Variants in IQCJ observed in about 807,000 individuals in gnomAD.
IQCJ encodes the protein IQ motif containing J.
In IQCJ, 9 loss-of-function variants were observed where a neutral mutation model predicts 11.0. That is an observed-to-expected ratio of 0.82 (90% CI 0.49 to 1.43). The LOEUF is 1.43. Among genes scored for constraint, IQCJ ranks in the 40% most tolerant of loss-of-function variants. The pLI is 0.00. For synonymous variants in IQCJ, 55 were observed against 51.3 expected (o/e 1.07, Z -0.31); for missense variants, 146 against 133.2 (o/e 1.10, Z -0.47).
chr3:159,251,770 G>T (rs1727615876), intron 2 of IQCJ, among the ~76,000 whole-genome samples: 1 of 152,050 alleles, frequency 6.6e-6, no homozygotes, highest in South Asian at 2.1e-4. Flanking sequence ...GGTGGAGAGA[G>T]CAGTGAGATG....
At chr3:159,203,722 C>T (rs1724486990) in intron 1 of IQCJ, among the ~76,000 whole-genome samples, 1 of 151,992 alleles carries the variant, frequency 6.6e-6, no homozygotes, top group Admixed American at 6.6e-5. Flanking sequence ...CTAAGCCCTG[C>T]TTATGAGAGA....
chr3:159,071,926 T>C (rs1715590277), intron 1 of IQCJ, among the ~76,000 whole-genome samples: 1 of 152,170 alleles, frequency 6.6e-6, no homozygotes, highest in Non-Finnish European at 1.5e-5. Context: ...CATTTTATTT[T>C]TAAGGCTCAC....
At chr3:159,198,502 C>T (rs1432870300) in intron 1 of IQCJ, among the ~76,000 whole-genome samples, 2 of 151,956 alleles carry the variant, frequency 1.3e-5, no homozygotes, top group African/African-American at 4.8e-5. Flanking sequence ...CATTGAGATA[C>T]CAGTAGTTAG....
At chr3:159,089,562 A>C (rs1355948869) in intron 1 of IQCJ, among the ~76,000 whole-genome samples, 2 of 151,876 alleles carry the variant, frequency 1.3e-5, no homozygotes, top group Non-Finnish European at 2.9e-5. Context: ...TACACCAATC[A>C]GATGAAGATT....
chr3:159,112,972 G>A (rs1460168104), intron 1 of IQCJ, among the ~76,000 whole-genome samples: 1 of 152,202 alleles, frequency 6.6e-6, no homozygotes, highest in African/African-American at 2.4e-5. Flanking sequence ...CAAAGAAACA[G>A]TACATTTAAG....
chr3:159,215,286 T>A (rs556407821), intron 1 of IQCJ, among the ~76,000 whole-genome samples: 10 of 152,290 alleles, frequency 6.6e-5, no homozygotes, highest in Admixed American at 5.9e-4. Context: ...CCTCTTTTCC[T>A]CTTCAGAGAC....
intron 1 of IQCJ, among the ~76,000 whole-genome samples, chr3:159,209,030 G>A (rs78096403): frequency 0.031 from 4,737 of 152,214 alleles, 254 homozygotes; most frequent in African/African-American, 0.11. Flanking sequence ...TCACTCACAA[G>A]CCTGAACCCA....
chr3:159,071,573 A>G (rs1715563269), intron 1 of IQCJ, among the ~76,000 whole-genome samples: 1 of 152,094 alleles, frequency 6.6e-6, no homozygotes, highest in Admixed American at 6.6e-5. Flanking sequence ...ATTACAAAAT[A>G]CCCTCACTTT....
Position 159,121,718 on chromosome 3 carries a change from C to T in IQCJ, c.9+52277C>T, listed in dbSNP as rs557509627. On this transcript the variant is annotated intron_variant, in intron 1 of 3. Transcript: ENST00000397832. ...ATAGAAGCCTTTTGAAACACATTTT[C>T]GAAGTAAACATGAGAGCTAGCATTT... Among the ~76,000 whole-genome samples, 33 of 152,180 alleles carry T rather than the reference C, an allele frequency of 2.2e-4. No homozygotes were observed. The South Asian group carries it at 2.9e-3, about 13-fold the overall frequency.
At chr3:159,106,940 C>T (rs984593672) in intron 1 of IQCJ, among the ~76,000 whole-genome samples, 1 of 152,146 alleles carries the variant, frequency 6.6e-6, no homozygotes, top group African/African-American at 2.4e-5. Context: ...TAAATCAAGT[C>T]TGCTTTATAG....
chr3:159,202,153 T>C (rs1379503774), intron 1 of IQCJ, among the ~76,000 whole-genome samples: 1 of 152,180 alleles, frequency 6.6e-6, no homozygotes, highest in Non-Finnish European at 1.5e-5. Context: ...AGGGTGTCCA[T>C]AGTTTCATCA....
chr3:159,247,538 T>G (rs1399129648), intron 2 of IQCJ, among the ~76,000 whole-genome samples: 1 of 152,176 alleles, frequency 6.6e-6, no homozygotes, highest in Non-Finnish European at 1.5e-5. Flanking sequence ...CTGTATGAGA[T>G]GGGAAAACCC....
intron 1 of IQCJ, among the ~76,000 whole-genome samples, chr3:159,157,429 AC>A (rs2108212724): frequency 6.6e-6 from 1 of 152,308 alleles, no homozygotes; most frequent in Non-Finnish European, 1.5e-5. Flanking sequence ...ACAAAAACAA[AC>A]ATTTGACAAT....
chr3:159,237,365 T>C (rs1726654836), intron 1 of IQCJ, among the ~76,000 whole-genome samples: 1 of 152,198 alleles, frequency 6.6e-6, no homozygotes, highest in Admixed American at 6.5e-5. Context: ...GATGGGCTTG[T>C]CTAACCTCTT....
intron 1 of IQCJ, among the ~76,000 whole-genome samples, chr3:159,144,390 G>GGC (rs915870390): frequency 1.3e-5 from 2 of 152,130 alleles, no homozygotes; most frequent in African/African-American, 4.8e-5. Context: ...GCACATCTTT[G>GGC]GCATGATTTA....
chr3:159,216,881 C>T (rs1186528096), intron 1 of IQCJ, among the ~76,000 whole-genome samples: 1 of 151,976 alleles, frequency 6.6e-6, no homozygotes, highest in Non-Finnish European at 1.5e-5. Flanking sequence ...TATATGAAGT[C>T]AAAAAGACAA....
At chr3:159,073,081 G>A (rs943954132) in intron 1 of IQCJ, among the ~76,000 whole-genome samples, 1 of 152,072 alleles carries the variant, frequency 6.6e-6, no homozygotes, top group African/African-American at 2.4e-5. Flanking sequence ...ATGCAGATAT[G>A]ACAAAATCTC....
intron 1 of IQCJ, among the ~76,000 whole-genome samples, chr3:159,181,940 T>TGTG (rs1218591685): frequency 0.03 from 4,570 of 151,852 alleles, 295 homozygotes; most frequent in African/African-American, 0.11. Flanking sequence ...CCCTCTTAAA[T>TGTG]TCCTTTAAAG....
chr3:159,256,428 AACCCTT>A (rs1727901482), intron 3 of IQCJ, among the ~76,000 whole-genome samples: 1 of 152,216 alleles, frequency 6.6e-6, no homozygotes, highest in Admixed American at 6.5e-5. Flanking sequence ...ATGTTTAGTA[AACCCTT>A]ATTAAATTGC....
Sources: allele counts gnomAD v4.1 joint callset (sites outside exome capture counted in the v4.1 genomes callset), GRCh38; gene constraint gnomAD v4.1.1; transcripts MANE v1.5; gene names NCBI Gene and HGNC (gene_info 2026-07-23, HGNC 2026-07-21).